SUSD6: variants seen among roughly 807,000 people sequenced by gnomAD.
SUSD6 encodes sushi domain-containing protein 6.
SUSD6 carries 16 observed loss-of-function variants against 28.4 expected under a neutral mutation model. That is an observed-to-expected ratio of 0.56 (90% CI 0.38 to 0.86). The LOEUF (loss-of-function observed/expected upper bound fraction) is 0.86, where lower values mean the gene tolerates loss of function less well. Ranked by LOEUF, SUSD6 falls within the 40% of genes least tolerant of loss-of-function variation. The probability of loss-of-function intolerance (pLI) is 0.00; values close to 1 mark genes in which losing one functional copy is unlikely to be tolerated. For synonymous variants in SUSD6, 147 were observed against 159.6 expected (o/e 0.92, Z 0.59); for missense variants, 341 against 384.2 (o/e 0.89, Z 0.94).
intron 2 of SUSD6, among the ~76,000 whole-genome samples, chr14:69,663,635 C>T (rs568241798): frequency 8.5e-5 from 13 of 152,274 alleles, no homozygotes; most frequent in African/African-American, 2.9e-4. Flanking sequence ...TCTCAGAACA[C>T]CCCAGCTAGG....
intron 2 of SUSD6, among the ~76,000 whole-genome samples, chr14:69,686,802 C>T (rs1886080269): frequency 6.6e-6 from 1 of 152,160 alleles, no homozygotes; most frequent in Non-Finnish European, 1.5e-5. Context: ...CCTCCCACAA[C>T]ATGTGGGAAT....
At chr14:69,613,304 A>G (rs1884909819) in intron 1 of SUSD6, among the ~76,000 whole-genome samples, 1 of 152,298 alleles carries the variant, frequency 6.6e-6, no homozygotes, top group South Asian at 2.1e-4. Flanking sequence ...TCACATAGGT[A>G]TCTCATGGTG....
intron 2 of SUSD6, among the ~76,000 whole-genome samples, chr14:69,674,026 C>T (rs1216368793): frequency 6.6e-6 from 1 of 152,118 alleles, no homozygotes; most frequent in East Asian, 1.9e-4. Flanking sequence ...GATCAGAATC[C>T]CATCCAGAGA....
At chr14:69,668,763 T>A (rs955815020) in intron 2 of SUSD6, among the ~76,000 whole-genome samples, 1 of 152,166 alleles carries the variant, frequency 6.6e-6, no homozygotes, top group Non-Finnish European at 1.5e-5. Context: ...AGATTCCTCA[T>A]GAATGGCTTG....
chr14:69,665,214 C>A (rs1302857039), intron 2 of SUSD6, among the ~76,000 whole-genome samples: 1 of 152,128 alleles, frequency 6.6e-6, no homozygotes, highest in Non-Finnish European at 1.5e-5. Context: ...CATGAAAATC[C>A]GAATTCACTG....
At chr14:69,664,876 C>T (rs531591179) in intron 2 of SUSD6, among the ~76,000 whole-genome samples, 1 of 152,324 alleles carries the variant, frequency 6.6e-6, no homozygotes, top group South Asian at 2.1e-4. Flanking sequence ...AGGGTTAACA[C>T]TCAGTCTTCA....
intron 2 of SUSD6, among the ~76,000 whole-genome samples, chr14:69,695,904 C>G (rs925375696): frequency 2.6e-5 from 4 of 152,214 alleles, no homozygotes; most frequent in Non-Finnish European, 4.4e-5. Context: ...GATGTCATCA[C>G]TTGTTTTTTC....
Position 69,611,802 on chromosome 14 carries a change from A to C in SUSD6, c.-107A>C, listed in dbSNP as rs956883037. 3 of 151,064 alleles carry C rather than the reference A, an allele frequency of 2.0e-5. No individual in the cohort carries two copies. Among genetic ancestry groups the C allele is most frequent in the African/African-American group, 7.3e-5 (3 of 41,232 alleles). 9.4% of individuals were successfully genotyped at this position (151,064 alleles called of 1,614,324 possible). On this transcript the variant is annotated 5_prime_UTR_variant, in exon 1 of 6. Transcript: ENST00000342745. ...CGGCGTGGAAGCTGTGAGCGCCCCCATCCCGGAGGTCTCCGCCGGCTCCCG... is the reference window on the plus strand; with the variant it reads ...CGGCGTGGAAGCTGTGAGCGCCCCCCTCCCGGAGGTCTCCGCCGGCTCCCG...
chr14:69,663,977 C>CT (rs560318014), intron 2 of SUSD6, among the ~76,000 whole-genome samples: 8,272 of 140,174 alleles, frequency 0.059, 279 homozygotes, highest in East Asian at 0.2. Flanking sequence ...ATGGTTGTTT[C>CT]TTTTTTTTTT....
rs1197391684 is a variant in SUSD6, at chr14:69,646,090, TC to T, written c.-80-12422del. On this transcript the variant is annotated intron_variant, in intron 1 of 5. Transcript: ENST00000342745. ...ATGTTAAATTTGATATAATCTGCCT[TC>T]ACCACTCCGATAAAACTGTTCTTGA... Among the ~76,000 whole-genome samples, 5 of 152,280 alleles carry T rather than the reference TC, an allele frequency of 3.3e-5. No homozygotes were observed. In the East Asian group the frequency reaches 7.7e-4, roughly 24 times the overall value.
chr14:69,673,743 C>T (rs1172009817), intron 2 of SUSD6, among the ~76,000 whole-genome samples: 3 of 151,884 alleles, frequency 2.0e-5, no homozygotes, highest in Non-Finnish European at 4.4e-5. Flanking sequence ...TTTTCGGATG[C>T]CTTTCCTCAG....
intron 2 of SUSD6, among the ~76,000 whole-genome samples, chr14:69,692,945 A>G (rs969189378): frequency 2.0e-5 from 3 of 152,184 alleles, no homozygotes; most frequent in African/African-American, 7.2e-5. Context: ...CAGGTAGGTG[A>G]TATGGTGAAG....
chr14:69,667,251 T>C (rs1232551446), intron 2 of SUSD6, among the ~76,000 whole-genome samples: 1 of 152,200 alleles, frequency 6.6e-6, no homozygotes, highest in Non-Finnish European at 1.5e-5. Context: ...TGGATTTCTC[T>C]TTTTCCCTGT....
At chr14:69,612,378 A>G (rs898594348) in intron 1 of SUSD6, among the ~76,000 whole-genome samples, 2 of 152,294 alleles carry the variant, frequency 1.3e-5, no homozygotes, top group African/African-American at 4.8e-5. Context: ...TTTAATCTCA[A>G]AAACTTCTCT....
In SUSD6 at chr14:69,658,575, A is replaced by T; in HGVS notation, c.-18A>T. On this transcript the variant is annotated 5_prime_UTR_variant, in exon 2 of 6. Transcript: ENST00000342745. ...ATTTTAAATTTTTTCTTTTTAAAAA[A>T]ACTTGGACGGATAAAAGATGTGCCA... 6.2e-7 allele frequency: 1 copy of T among 1,613,468 alleles called. No individual in the cohort carries two copies. The highest frequency in any genetic ancestry group is 8.5e-7 in the Non-Finnish European group (1 of 1,179,794).
At chr14:69,621,556 C>T (rs922576259) in intron 1 of SUSD6, among the ~76,000 whole-genome samples, 3 of 152,172 alleles carry the variant, frequency 2.0e-5, no homozygotes, top group African/African-American at 7.2e-5. Flanking sequence ...AAAGTCATCC[C>T]TGCTAATTTT....
intron 1 of SUSD6, among the ~76,000 whole-genome samples, chr14:69,627,937 A>C (rs1369044239): frequency 7.4e-6 from 1 of 134,636 alleles, no homozygotes; most frequent in East Asian, 2.1e-4. Flanking sequence ...ACCCAAAGTG[A>C]CTTTTTTTTT....
chr14:69,641,031 A>C (rs979648215), intron 1 of SUSD6, among the ~76,000 whole-genome samples: 2 of 152,182 alleles, frequency 1.3e-5, no homozygotes, highest in Non-Finnish European at 2.9e-5. Context: ...AGGCCTTCCT[A>C]AATATTATTC....
At chr14:69,689,218 G>A (rs980340424) in intron 2 of SUSD6, among the ~76,000 whole-genome samples, 2 of 152,144 alleles carry the variant, frequency 1.3e-5, no homozygotes, top group East Asian at 1.9e-4. Context: ...ACTTTCTGTA[G>A]CCCATATTGA....
Sources: gnomAD v4.1 joint callset for allele counts (sites outside exome capture counted in the v4.1 genomes callset) on GRCh38, gnomAD v4.1.1 for gene constraint, MANE v1.5 for transcripts, NCBI Gene and HGNC (gene_info 2026-07-23, HGNC 2026-07-21) for gene names.